The following ZNF488 variants were observed in gnomAD, a reference collection of about 807,000 sequenced individuals.
ZNF488 encodes the protein zinc finger protein 488.
A neutral mutation model predicts 1.2 loss-of-function variants in ZNF488; 1 was observed. The observed-to-expected ratio is 0.86, with a 90% CI of 0.30 to 4.07. The LOEUF (loss-of-function observed/expected upper bound fraction) is 4.07, where lower values mean the gene tolerates loss of function less well. Among genes scored for constraint, ZNF488 ranks in the 30% most tolerant of loss-of-function variants. The pLI is 0.18. For synonymous variants in ZNF488, 185 were observed against 190.1 expected (o/e 0.97, Z 0.22); for missense variants, 450 against 437.9 (o/e 1.03, Z -0.25).
chr10:47,372,243 G>A (rs1555213930), intron 1 of ZNF488, among the ~76,000 whole-genome samples: 1 of 152,182 alleles, frequency 6.6e-6, no homozygotes, highest in Non-Finnish European at 1.5e-5. Context: ...GTTCAGAGTA[G>A]GAAGGTCCCC....
chr10:47,379,107 C>T (rs971967362), intron 1 of ZNF488, among the ~76,000 whole-genome samples: 1 of 152,244 alleles, frequency 6.6e-6, no homozygotes, highest in Non-Finnish European at 1.5e-5. Flanking sequence ...TTCTCCTTTA[C>T]AGCAGGATGG....
At chr10:47,377,689 A>T (rs1400925108) in intron 1 of ZNF488, among the ~76,000 whole-genome samples, 7 of 148,174 alleles carry the variant, frequency 4.7e-5, no homozygotes, top group African/African-American at 1.5e-4. Context: ...ACACACACAC[A>T]CACACACACA....
chr10:47,377,711 A>ACACACACACG (rs1837742180), intron 1 of ZNF488, among the ~76,000 whole-genome samples: 4 of 123,256 alleles, frequency 3.2e-5, no homozygotes, highest in Non-Finnish European at 6.7e-5. Flanking sequence ...ACACACACAC[A>ACACACACACG]CACACACGGC....
At chr10:47,375,492 G>A (rs1555214326) in intron 1 of ZNF488, among the ~76,000 whole-genome samples, 1 of 152,150 alleles carries the variant, frequency 6.6e-6, no homozygotes, top group Admixed American at 6.5e-5. Context: ...TCATTGTCTG[G>A]ACTTAAGAAA....
rs1215576370 is a variant in ZNF488 at position 47,384,255 on chromosome 10, G to C, written c.-144C>G. ...TGGAGATGTGGAGCAAGAGGTGCTG[G>C]TGCAGCACAGCCTCCTCCCGGCCAA... is the stretch of plus-strand genomic sequence containing the variant. On this transcript the variant is annotated 5_prime_UTR_variant, in exon 1 of 2. Coordinates refer to ENST00000585316, the MANE Select transcript of ZNF488 (RefSeq NM_153034.4). 6.6e-6 allele frequency: 1 copy of C among 152,326 alleles called. No individual in the cohort carries two copies. Among genetic ancestry groups the C allele is most frequent in the Non-Finnish European group, 1.5e-5 (1 of 68,156 alleles). The allele number at this position is 152,326 out of a possible 1,614,324, so 9.4% of individuals were successfully genotyped here. A position where few individuals can be genotyped will look rare whatever the true frequency, so the allele number is the denominator to read the frequency against.
At chr10:47,368,998 C>A (rs1394936569) in intron 1 of ZNF488, 61 bp from the exon 2 acceptor site, 22 of 744,266 alleles carry the variant, frequency 3.0e-5, no homozygotes, top group Non-Finnish European at 4.2e-5. Context: ...CACAGTGCAT[C>A]ATGAGCTGGC....
chr10:47,378,815 C>T (rs782310068), intron 1 of ZNF488, among the ~76,000 whole-genome samples: 4 of 152,248 alleles, frequency 2.6e-5, no homozygotes, highest in Non-Finnish European at 5.9e-5. Flanking sequence ...CCCCGTGTGA[C>T]TTCATGAAGA....
At chr10:47,379,843 G>A (rs1437401102) in intron 1 of ZNF488, among the ~76,000 whole-genome samples, 1 of 152,234 alleles carries the variant, frequency 6.6e-6, no homozygotes, top group African/African-American at 2.4e-5. Flanking sequence ...TCTCATTCCA[G>A]GTCATGCTAT....
At position 47,368,688 on chromosome 10, in the gene ZNF488, C is replaced by G; in HGVS notation, c.142G>C (p.Val48Leu). Residue 48 changes from valine (V) to leucine (L), a missense_variant, in exon 2 of 2, where the codon GTG (valine) becomes CTG (leucine). Coordinates refer to ENST00000585316, the MANE Select transcript of ZNF488 (RefSeq NM_153034.4). ...AGGCGGTTCGTCTTCTCGAGCAGCA[C>G]TGGCTTGCAGCCCCGGCCCAGCTCA... ...EPELGRGCKP[V>L]LLEKTNRLGP... 1 of 1,612,716 alleles carries G rather than the reference C, an allele frequency of 6.2e-7. No individual in the cohort carries two copies. Among genetic ancestry groups the G allele is most frequent in the Non-Finnish European group, 8.5e-7 (1 of 1,180,036 alleles).
rs540464615 is a variant in ZNF488, at chr10:47,368,628, C to G, written c.202G>C (p.Asp68His). ...PEAAVGRAGR[D>H]VGSAELALLV... ...AGTGCCAGCTCCGCACTGCCCACAT[C>G]CCGGCCCGCCCTGCCCACAGCAGCC... Residue 68 changes from aspartate (D) to histidine (H), a missense_variant, in exon 2 of 2, where the codon GAT becomes CAT. Physicochemically the swap from Asp to His is moderately conservative, Grantham distance 81 (BLOSUM62 -1). Coordinates refer to ENST00000585316, the MANE Select transcript of ZNF488 (RefSeq NM_153034.4). The G allele has an allele frequency of 1.1e-5, 17 of 1,610,482 alleles. No homozygotes were observed. In the African/African-American group the frequency reaches 1.7e-4, roughly 16 times the overall value.
In ZNF488 at chr10:47,368,190, C is replaced by T; in HGVS notation, c.640G>A (p.Val214Ile). The T allele has an allele frequency of 1.9e-6, 3 of 1,614,176 alleles. No individual in the cohort carries two copies. The highest frequency in any genetic ancestry group is 2.5e-6 in the Non-Finnish European group (3 of 1,180,030). Residue 214 changes from valine to isoleucine, a missense_variant, in exon 2 of 2, where the codon GTT (valine) becomes ATT (isoleucine). Physicochemically the swap from Val to Ile is conservative, Grantham distance 29. Transcript: ENST00000585316. ...GCTTGCAAGTTCCACAAATCACCAACCAAAAGCTTGGGAGTTGAAAGTCGA... is the reference window on the plus strand; with the variant it reads ...GCTTGCAAGTTCCACAAATCACCAATCAAAAGCTTGGGAGTTGAAAGTCGA... The part of the protein sequence containing the change: ...WGRLSTPKLL[V>I]GDLWNLQALP...
chr10:47,377,043 C>T (rs1215687339), intron 1 of ZNF488, among the ~76,000 whole-genome samples: 1 of 152,224 alleles, frequency 6.6e-6, no homozygotes, highest in African/African-American at 2.4e-5. Context: ...GCCGCTATCA[C>T]CTACTGGACT....
At chr10:47,370,038 C>T (rs1435341688) in intron 1 of ZNF488, among the ~76,000 whole-genome samples, 1 of 152,246 alleles carries the variant, frequency 6.6e-6, no homozygotes, top group Non-Finnish European at 1.5e-5. Context: ...AAGTCAACTT[C>T]CTCCTCCCAA....
chr10:47,368,019 A>G lies in ZNF488; in HGVS notation c.811T>C (p.Leu271=), dbSNP rs1837285107. The G allele has an allele frequency of 6.2e-7, 1 of 1,613,958 alleles. No homozygotes were observed. The highest frequency in any genetic ancestry group is 1.7e-5 in the Admixed American group (1 of 59,996). ...LLPPTLTSLG[L]STQNWCAKCN... ...TTTGCACACCAGTTCTGGGTGGACA[A>G]GCCCAGGGAGGTGAGGGTGGGTGGC... Residue 271 remains leucine, a synonymous_variant, in exon 2 of 2, where the codon TTG becomes CTG. Coordinates refer to ENST00000585316, the MANE Select transcript of ZNF488 (RefSeq NM_153034.4).
At chr10:47,381,131 G>A in intron 1 of ZNF488, among the ~76,000 whole-genome samples, 1 of 152,016 alleles carries the variant, frequency 6.6e-6, no homozygotes, top group African/African-American at 2.4e-5. Context: ...TCTTTTTCCT[G>A]GGATGTCTGA....
chr10:47,379,284 T>C (rs781505762), intron 1 of ZNF488, among the ~76,000 whole-genome samples: 10 of 152,224 alleles, frequency 6.6e-5, no homozygotes, highest in Non-Finnish European at 8.8e-5. Flanking sequence ...TCAATTCAGA[T>C]GCACTTATCT....
At chr10:47,379,149 A>G (rs1420992396) in intron 1 of ZNF488, among the ~76,000 whole-genome samples, 3 of 152,242 alleles carry the variant, frequency 2.0e-5, no homozygotes, top group Non-Finnish European at 4.4e-5. Flanking sequence ...TCAGGGTATC[A>G]GAATAGAAGT....
At chr10:47,373,479 G>A (rs1226881560) in intron 1 of ZNF488, among the ~76,000 whole-genome samples, 1 of 152,190 alleles carries the variant, frequency 6.6e-6, no homozygotes, top group Admixed American at 6.5e-5. Context: ...AGCTTCAGTT[G>A]TGTAATGCAA....
At chr10:47,383,310 T>C (rs1838056287) in intron 1 of ZNF488, among the ~76,000 whole-genome samples, 1 of 152,226 alleles carries the variant, frequency 6.6e-6, no homozygotes, top group Admixed American at 6.5e-5. Flanking sequence ...AACTACATAT[T>C]TTAGAAATTT....
Sources: allele counts gnomAD v4.1 joint callset (sites outside exome capture counted in the v4.1 genomes callset), GRCh38; gene constraint gnomAD v4.1.1; transcripts MANE v1.5; gene names NCBI Gene and HGNC (gene_info 2026-07-23, HGNC 2026-07-21).